The following RASA3 variants were observed in gnomAD, a reference collection of about 807,000 sequenced individuals.
RASA3 encodes ras GTPase-activating protein 3.
Under a neutral mutation model 110.0 loss-of-function variants are expected in RASA3, and 73 were observed. That is an observed-to-expected ratio of 0.66 (90% CI 0.55 to 0.81). The LOEUF (loss-of-function observed/expected upper bound fraction) is 0.81. Among genes scored for constraint, RASA3 ranks in the 30% least tolerant of loss-of-function variants. The pLI is 0.00. For synonymous variants in RASA3, 500 were observed against 451.4 expected (o/e 1.11, Z -1.37); for missense variants, 976 against 1,113.2 (o/e 0.88, Z 1.75).
rs1338490405 is a variant in RASA3, at chr13:114,096,922, C to T, written c.56-23085G>A. ...ACATGTGCGCCTTTGAACATGCGTT[C>T]TCTCCGCCTGCAGTGCCCTCCTCTG... On this transcript the variant is annotated intron_variant, in intron 1 of 23. Transcript: ENST00000334062. This position sits in a 1 kb window ranked among gnomAD's most constrained non-coding sequence, Gnocchi z 5.1. Among the ~76,000 whole-genome samples, 1 of 152,208 alleles carries T rather than the reference C, an allele frequency of 6.6e-6. No individual in the cohort carries two copies. The highest frequency in any genetic ancestry group is 1.5e-5 in the Non-Finnish European group (1 of 68,050).
Position 113,981,767 on chromosome 13 carries a change from C to T in RASA3, c.2337G>A (p.Thr779=), listed in dbSNP as rs771942028. The change falls in exon 23 of 24, where the codon ACG becomes ACA. Residue 779 remains threonine (T), a synonymous_variant. Coordinates refer to ENST00000334062, the MANE Select transcript of RASA3 (RefSeq NM_007368.4). ...VIDDPQETYK[T]LKQVIAGVGA... ...CAACCCCAGCGATGACTTGCTTTAG[C>T]GTCTTGTAGGTCTCCTGGGGGTCGT... The T allele has an allele frequency of 5.0e-6, 8 of 1,614,134 alleles. No homozygotes were observed. The Admixed American group carries it at 6.7e-5, about 13-fold the overall frequency.
chr13:114,064,294 C>T (rs147005316), intron 2 of RASA3, among the ~76,000 whole-genome samples: 1 of 152,208 alleles, frequency 6.6e-6, no homozygotes, highest in South Asian at 2.1e-4. Context: ...GTCCTCCCAG[C>T]CCCACCCAGA....
Position 114,056,731 on chromosome 13 carries a change from T to C in RASA3, c.174-4576A>G. 2.2e-6 allele frequency: 2 copies of C among 920,782 alleles called. No individual in the cohort carries two copies. Among genetic ancestry groups the C allele is most frequent in the Non-Finnish European group, 1.3e-6 (1 of 771,090 alleles). The allele number at this position is 920,782 out of a possible 1,614,324, so 57.0% of individuals were successfully genotyped here. A position where few individuals can be genotyped will look rare whatever the true frequency, so the allele number is the denominator to read the frequency against. On this transcript the variant is annotated intron_variant, in intron 2 of 23. Coordinates refer to ENST00000334062, the MANE Select transcript of RASA3 (RefSeq NM_007368.4). The surrounding 1 kb of genome is among the most constrained non-coding windows in gnomAD (Gnocchi z 5.7). ...TCCATTCAATAAAAAGAGATAAAAA[T>C]AGCAGAAAGAGGAAGCTACAAGAAA...
intron 4 of RASA3, among the ~76,000 whole-genome samples, chr13:114,030,721 T>C (rs949775096): frequency 1.3e-5 from 2 of 152,244 alleles, no homozygotes; most frequent in African/African-American, 4.8e-5. Context: ...TACAACTGTG[T>C]GTCTGCCTGT....
intron 11 of RASA3, 63 bp downstream of exon 11, chr13:114,018,041 A>C: frequency 7.0e-7 from 1 of 1,419,782 alleles, no homozygotes. Flanking sequence ...GTTCTCGGCG[A>C]CGACCTTGCC....
At chr13:114,035,175 A>T (rs187485337) in intron 4 of RASA3, among the ~76,000 whole-genome samples, 1 of 152,388 alleles carries the variant, frequency 6.6e-6, no homozygotes, top group Admixed American at 6.5e-5. Context: ...AATAGGTAAA[A>T]ATCAAAGCCA....
In RASA3 at chr13:113,979,171, C is replaced by T. The variant is rs761931591; in HGVS notation, c.*176G>A. 50 of 621,618 alleles carry T rather than the reference C, an allele frequency of 8.0e-5. No homozygotes were observed. The Middle Eastern group carries it at 1.3e-3, about 16-fold the overall frequency. 38.5% of individuals were successfully genotyped at this position (621,618 alleles called of 1,614,324 possible). ...GGCCAGGTGGGCTTTCTGCGGAGGG[C>T]GTGGCGGTGGTGGCAGCGGTTCTGG... is the stretch of plus-strand genomic sequence containing the variant. On this transcript the variant is annotated 3_prime_UTR_variant, in exon 24 of 24. Transcript: ENST00000334062.
intron 1 of RASA3, among the ~76,000 whole-genome samples, chr13:114,075,260 A>G (rs1456209822): frequency 6.6e-6 from 1 of 152,212 alleles, no homozygotes; most frequent in Non-Finnish European, 1.5e-5. Context: ...CAACTCAGCA[A>G]GCGCACACGT....
intron 1 of RASA3, among the ~76,000 whole-genome samples, chr13:114,110,256 G>A (rs749857723): frequency 1.3e-5 from 2 of 152,224 alleles, no homozygotes; most frequent in Non-Finnish European, 2.9e-5. Flanking sequence ...CTGGGTCTAC[G>A]GGCTTACATG....
intron 4 of RASA3, among the ~76,000 whole-genome samples, chr13:114,031,363 G>A (rs2054164861): frequency 1.3e-5 from 2 of 151,808 alleles, no homozygotes; most frequent in Admixed American, 1.3e-4. Context: ...CTGTGTGTGT[G>A]TGCGACTATG....
intron 4 of RASA3, among the ~76,000 whole-genome samples, chr13:114,035,247 A>G (rs1391523064): frequency 6.6e-6 from 1 of 152,268 alleles, no homozygotes; most frequent in East Asian, 1.9e-4. Flanking sequence ...ACTAAGAGCA[A>G]AAGGGAAAAG....
chr13:114,118,739 G>A (rs1251987697), intron 1 of RASA3, among the ~76,000 whole-genome samples: 1 of 152,256 alleles, frequency 6.6e-6, no homozygotes, highest in African/African-American at 2.4e-5. Context: ...ACAAATCTAT[G>A]ATGAATTATT....
intron 21 of RASA3, among the ~76,000 whole-genome samples, chr13:113,995,632 A>AGGGGGCCCAGCTGACG (rs1333756582): frequency 2.2e-5 from 3 of 138,344 alleles, no homozygotes; most frequent in East Asian, 2.4e-4. Context: ...GGGGCCTGAC[A>AGGGGGCCCAGCTGACG]GGGGGCCCAG....
chr13:114,076,020 G>C (rs2079674933), intron 1 of RASA3, among the ~76,000 whole-genome samples: 1 of 152,152 alleles, frequency 6.6e-6, no homozygotes, highest in South Asian at 2.1e-4. Flanking sequence ...TCTGCGTGTG[G>C]AGGCGCCGGC....
At chr13:114,100,470 G>C (rs117338470) in intron 1 of RASA3, among the ~76,000 whole-genome samples, 270 of 152,348 alleles carry the variant, frequency 1.8e-3, no homozygotes, top group Non-Finnish European at 2.1e-3. Flanking sequence ...TCTGTCAGGC[G>C]GAGGACGTGA....
chr13:114,009,767 A>T (rs1465481559), intron 16 of RASA3, among the ~76,000 whole-genome samples: 6 of 152,162 alleles, frequency 3.9e-5, no homozygotes, highest in Admixed American at 3.9e-4. Flanking sequence ...AGGCTCATGA[A>T]GAGGTACGTT....
chr13:113,993,379 T>C (rs1325265308), intron 21 of RASA3, among the ~76,000 whole-genome samples: 1 of 152,078 alleles, frequency 6.6e-6, no homozygotes, highest in East Asian at 1.9e-4. Context: ...TTTCACCATG[T>C]TGGCCAGGCT....
At chr13:114,027,731 T>C in intron 6 of RASA3, 116 bp downstream of exon 6, 1 of 1,125,508 alleles carries the variant, frequency 8.9e-7, no homozygotes, top group East Asian at 2.4e-5. Context: ...ATTCACATTC[T>C]ACCTCAAAGC....
intron 2 of RASA3, among the ~76,000 whole-genome samples, chr13:114,061,947 G>A (rs555786081): frequency 1.8e-4 from 28 of 152,156 alleles, no homozygotes; most frequent in South Asian, 4.1e-4. Context: ...AGGACGGCAA[G>A]GTCAAGCCAG....
Sources: gnomAD v4.1 joint callset for allele counts (sites outside exome capture counted in the v4.1 genomes callset) on GRCh38, gnomAD v4.1.1 for gene constraint, Gnocchi (gnomAD v3.1) non-coding constraint, MANE v1.5 for transcripts, NCBI Gene and HGNC (gene_info 2026-07-23, HGNC 2026-07-21) for gene names.